QRICH1: variants seen among roughly 807,000 people sequenced by gnomAD.
The protein encoded by QRICH1 is glutamine rich 1, also known as transcriptional regulator QRICH1.
A neutral mutation model predicts 87.1 loss-of-function variants in QRICH1; 16 were observed. That is an observed-to-expected ratio of 0.18 (90% CI 0.12 to 0.28). QRICH1 has a LOEUF of 0.28. Among genes scored for constraint, QRICH1 ranks in the 10% least tolerant of loss-of-function variants. QRICH1 has a pLI of 1.00. For synonymous variants in QRICH1, 367 were observed against 368.4 expected, an observed-to-expected ratio of 1.00 and a Z score of 0.05; for missense variants, 647 against 951.7, an observed-to-expected ratio of 0.68 and a Z score of 4.21.
intron 9 of QRICH1, among the ~76,000 whole-genome samples, chr3:49,031,498 A>AAAAGTATTT (rs1244455048): frequency 6.6e-6 from 1 of 152,234 alleles, no homozygotes; most frequent in Non-Finnish European, 1.5e-5. Context: ...AATGGGCAGG[A>AAAAGTATTT]AAAGTATTTC....
chr3:49,032,125 TG>T, intron 9 of QRICH1, 57 bp downstream of exon 9: 1 of 1,325,964 alleles, frequency 7.5e-7, no homozygotes, highest in South Asian at 1.2e-5. Context: ...CAAGTGAGCA[TG>T]CACACGCATA....
intron 1 of QRICH1, among the ~76,000 whole-genome samples, chr3:49,089,524 A>AC (rs1411610520): frequency 6.6e-6 from 1 of 152,148 alleles, no homozygotes; most frequent in Admixed American, 6.6e-5. Flanking sequence ...TTTTTTTTAA[A>AC]CAAGGGTACT....
In QRICH1 at chr3:49,056,973, C is replaced by T. The variant is rs759670784; in HGVS notation, c.1227G>A (p.Thr409=). 9.3e-6 allele frequency: 15 copies of T among 1,613,982 alleles called. No individual in the cohort carries two copies. The highest frequency in any genetic ancestry group is 3.3e-5 in the Admixed American group (2 of 59,992). ...VQAVAGTYQN[T]AQTVHIWDPQ... is the part of the protein sequence containing the mutation. ...GGTCCCATATATGGACAGTTTGAGC[C>T]GTATTCTGGTACGTGCCTGCCACAG... The change falls in exon 3 of 10, where the codon ACG becomes ACA. Residue 409 remains threonine, a synonymous_variant. Transcript: ENST00000395443.
chr3:49,077,954 G>A (rs1291010323), intron 1 of QRICH1, among the ~76,000 whole-genome samples: 1 of 152,118 alleles, frequency 6.6e-6, no homozygotes, highest in African/African-American at 2.4e-5. Context: ...ACCTGCAGAC[G>A]TACAGTTAAC....
chr3:49,057,994 TGAGA>T lies in QRICH1; in HGVS notation c.310-108_310-105del. The T allele has an allele frequency of 6.3e-7, 1 of 1,580,696 alleles. No homozygotes were observed. Among genetic ancestry groups the T allele is most frequent in the Non-Finnish European group, 8.6e-7 (1 of 1,166,544 alleles). ...TCCCAGACAGGGGACCTGCAAAATG[TGAGA>T]AAACACTGGCATACTCAAGGCTTCT... On this transcript the variant is annotated intron_variant, in intron 2 of 9. Transcript: ENST00000395443. The surrounding 1 kb of genome is among the most constrained non-coding windows in gnomAD (Gnocchi z 5.4).
intron 2 of QRICH1, among the ~76,000 whole-genome samples, chr3:49,070,926 GAC>G (rs1375585173): frequency 6.6e-6 from 1 of 151,986 alleles, no homozygotes; most frequent in African/African-American, 2.4e-5. Context: ...TTTCTTCTGA[GAC>G]AGAGTCTGCT....
At chr3:49,031,354 C>A (rs923263451) in intron 9 of QRICH1, among the ~76,000 whole-genome samples, 1 of 152,090 alleles carries the variant, frequency 6.6e-6, no homozygotes, top group East Asian at 1.9e-4. Flanking sequence ...GGTTCACCCC[C>A]CTCCCCCGAA....
intron 1 of QRICH1, among the ~76,000 whole-genome samples, chr3:49,079,983 C>T (rs1410713016): frequency 1.3e-5 from 2 of 149,602 alleles, no homozygotes; most frequent in South Asian, 4.2e-4. Context: ...GAGCCGAGAT[C>T]GTGCCACTGC....
In QRICH1 at chr3:49,057,288, A is replaced by G; in HGVS notation, c.912T>C (p.Pro304=). The change falls in exon 3 of 10, where the codon CCT becomes CCC. Residue 304 remains proline (P), a synonymous_variant. Transcript: ENST00000395443. The surrounding 1 kb of genome is among the most constrained non-coding windows in gnomAD (Gnocchi z 5.4). ...CAGGGATGGTCCAGGTTTCTCCTGT[A>G]GGGCTAGTAATGGTCCCAGTGGCAC... The part of the protein sequence containing the change: ...LYSATGTITS[P]TGETWTIPVY... The G allele has an allele frequency of 1.2e-6, 2 of 1,614,182 alleles. No homozygotes were observed. The highest frequency in any genetic ancestry group is 1.7e-6 in the Non-Finnish European group (2 of 1,180,038).
chr3:49,052,650 C>G (rs1054752390), intron 3 of QRICH1, among the ~76,000 whole-genome samples: 1 of 152,164 alleles, frequency 6.6e-6, no homozygotes, highest in Admixed American at 6.6e-5. Context: ...CGCCCACCAC[C>G]ATGCCCAGCT....
At chr3:49,061,308 C>T (rs543346380) in intron 2 of QRICH1, among the ~76,000 whole-genome samples, 159 of 152,126 alleles carry the variant, frequency 1.0e-3, no homozygotes, top group African/African-American at 3.5e-3. Context: ...GCTTACTTAA[C>T]ATATGTTTAA....
intron 1 of QRICH1, among the ~76,000 whole-genome samples, chr3:49,092,895 G>A (rs776954180): frequency 1.3e-5 from 2 of 152,176 alleles, no homozygotes; most frequent in Non-Finnish European, 2.9e-5. Context: ...CCAACTTTTT[G>A]GCTGAGGCAA....
chr3:49,088,613 T>G (rs2042214909), intron 1 of QRICH1, among the ~76,000 whole-genome samples: 1 of 149,434 alleles, frequency 6.7e-6, no homozygotes, highest in African/African-American at 2.5e-5. Context: ...ACCAGGCTTT[T>G]GTCTGTTTTT....
intron 1 of QRICH1, among the ~76,000 whole-genome samples, chr3:49,078,273 CTTGGTAGACAAGACTATGT>C (rs1288059404): frequency 6.6e-6 from 1 of 150,850 alleles, no homozygotes; most frequent in African/African-American, 2.4e-5. Flanking sequence ...GCTCTAAGTT[CTTGGTAGACAAGACTATGT>C]CCTGGTTCTC....
rs534225674 is a variant in QRICH1, at chr3:49,030,145, C to A, written c.*307G>T. The A allele has an allele frequency of 2.3e-6, 1 of 436,914 alleles. No homozygotes were observed. Among genetic ancestry groups the A allele is most frequent in the Admixed American group, 3.9e-5 (1 of 25,442 alleles). The allele number at this position is 436,914 out of a possible 1,614,324, so 27.1% of individuals were successfully genotyped here. A position where few individuals can be genotyped will look rare whatever the true frequency, so the allele number is the denominator to read the frequency against. ...CTCTCTTGAAGATGGAAAGGGGCCA[C>A]ATTTCTTTTCACAGTCCAAGCCCTT... On this transcript the variant is annotated 3_prime_UTR_variant, in exon 10 of 10. Coordinates refer to ENST00000395443, the MANE Select transcript of QRICH1 (RefSeq NM_198880.3).
At chr3:49,091,209 C>A (rs1298194365) in intron 1 of QRICH1, among the ~76,000 whole-genome samples, 2 of 151,922 alleles carry the variant, frequency 1.3e-5, no homozygotes, top group Non-Finnish European at 2.9e-5. Flanking sequence ...GGCAACAGAG[C>A]GAGACTCCGT....
chr3:49,046,479 T>G lies in QRICH1; in HGVS notation c.1617A>C (p.Glu539Asp). ...GCACATCTGGGTCATAGGGTTCACC[T>G]TCTCCATTTCGAGCTTCCCGTGTCA... ...CLMTREARNG[E>D]GEPYDPDVLY... Residue 539 changes from glutamate to aspartate, a missense_variant, in exon 5 of 10, where the codon GAA becomes GAC. By Grantham distance (45) the Glu-to-Asp change is conservative. Around this residue, in one of 7 missense-constraint regions of QRICH1, gnomAD observed 187 missense variants for 309.5 expected, o/e 0.60. Coordinates refer to ENST00000395443, the MANE Select transcript of QRICH1 (RefSeq NM_198880.3). 1 of 1,614,162 alleles carries G rather than the reference T, an allele frequency of 6.2e-7. No individual in the cohort carries two copies. Among genetic ancestry groups the G allele is most frequent in the Non-Finnish European group, 8.5e-7 (1 of 1,180,014 alleles).
chr3:49,063,096 A>G (rs879343811), intron 2 of QRICH1, among the ~76,000 whole-genome samples: 7 of 152,146 alleles, frequency 4.6e-5, no homozygotes, highest in Admixed American at 2.0e-4. Flanking sequence ...TTTAACCTCT[A>G]AACAGTTTCT....
At chr3:49,062,574 T>G (rs1472525833) in intron 2 of QRICH1, among the ~76,000 whole-genome samples, 1 of 151,318 alleles carries the variant, frequency 6.6e-6, no homozygotes, top group Non-Finnish European at 1.5e-5. Flanking sequence ...TTAGCCAGGC[T>G]GGTCTCAAAC....
Sources: allele counts gnomAD v4.1 joint callset (sites outside exome capture counted in the v4.1 genomes callset), GRCh38; gene constraint gnomAD v4.1.1; regional missense constraint gnomAD v4.1.1; non-coding constraint Gnocchi (gnomAD v3.1); transcripts MANE v1.5; gene names NCBI Gene and HGNC (gene_info 2026-07-23, HGNC 2026-07-21).